RNF220: variants seen among roughly 807,000 people sequenced by gnomAD.
RNF220 encodes ring finger protein 220, also known as E3 ubiquitin-protein ligase RNF220.
In RNF220, 7 loss-of-function variants were observed where a neutral mutation model predicts 67.1. The ratio of observed to expected loss-of-function variants is 0.10; its 90% CI spans 0.06 to 0.20. The LOEUF is 0.20. RNF220 is among the 10% of genes least tolerant of loss of function. The pLI, the probability that RNF220 is intolerant of heterozygous loss-of-function variation, is 1.00. For synonymous variants in RNF220, 270 were observed against 283.2 expected, an observed-to-expected ratio of 0.95 and a Z score of 0.47; for missense variants, 565 against 740.3, an observed-to-expected ratio of 0.76 and a Z score of 2.75.
chr1:44,548,998 G>A (rs1164349413), intron 2 of RNF220, among the ~76,000 whole-genome samples: 3 of 152,268 alleles, frequency 2.0e-5, no homozygotes, highest in Non-Finnish European at 4.4e-5. Context: ...ACCAGCCTGG[G>A]CAATGTGGTT....
intron 2 of RNF220, among the ~76,000 whole-genome samples, chr1:44,461,088 G>T (rs964127451): frequency 2.0e-5 from 3 of 152,172 alleles, no homozygotes; most frequent in Non-Finnish European, 4.4e-5. Flanking sequence ...CGGGGGCAGG[G>T]ACGGTATTCA....
intron 2 of RNF220, among the ~76,000 whole-genome samples, chr1:44,474,480 G>A (rs1655115997): frequency 6.6e-6 from 1 of 151,352 alleles, no homozygotes; most frequent in Non-Finnish European, 1.5e-5. Flanking sequence ...AGGCCAAGGA[G>A]GGAGAATCGC....
chr1:44,579,982 T>C (rs1665114143), intron 2 of RNF220, among the ~76,000 whole-genome samples: 1 of 124,736 alleles, frequency 8.0e-6, no homozygotes, highest in East Asian at 2.6e-4. Context: ...GTGAGCCATG[T>C]CATGCCACTG....
intron 2 of RNF220, among the ~76,000 whole-genome samples, chr1:44,567,945 G>C (rs768731931): frequency 6.6e-6 from 1 of 152,010 alleles, no homozygotes; most frequent in African/African-American, 2.4e-5. Flanking sequence ...TGACCCTCAG[G>C]CTCCTCAGAC....
chr1:44,645,515 T>G lies in RNF220; in HGVS notation c.1445+27T>G. On this transcript the variant is annotated intron_variant, in intron 12 of 14. Transcript: ENST00000361799. The surrounding 1 kb of genome is among the most constrained non-coding windows in gnomAD (Gnocchi z 5.0). The stretch of plus-strand genomic sequence containing the variant: ...TAAGTGTTTGGCCAGGAGAGAGCCC[T>G]GGGACCACAGTTCAGTGGGAGGAGG... 6.2e-7 allele frequency: 1 copy of G among 1,609,446 alleles called. No individual in the cohort carries two copies. Among genetic ancestry groups the G allele is most frequent in the Non-Finnish European group, 8.5e-7 (1 of 1,177,070 alleles).
chr1:44,479,067 G>A (rs1027673652), intron 2 of RNF220, among the ~76,000 whole-genome samples: 27 of 151,146 alleles, frequency 1.8e-4, no homozygotes, highest in East Asian at 1.2e-3. Flanking sequence ...GTTTCTTTCC[G>A]TTGGAGCAGG....
At chr1:44,584,392 A>C (rs1665543642) in intron 2 of RNF220, among the ~76,000 whole-genome samples, 1 of 152,326 alleles carries the variant, frequency 6.6e-6, no homozygotes, top group South Asian at 2.1e-4. Flanking sequence ...TTCCAAAGCA[A>C]GTCGTAAATT....
chr1:44,464,973 C>G (rs989748357), intron 2 of RNF220, among the ~76,000 whole-genome samples: 1 of 152,188 alleles, frequency 6.6e-6, no homozygotes, highest in South Asian at 2.1e-4. Flanking sequence ...CTGGCTCCTT[C>G]ATTATACTGA....
At chr1:44,533,581 G>A (rs74070508) in intron 2 of RNF220, among the ~76,000 whole-genome samples, 1,578 of 152,188 alleles carry the variant, frequency 0.01, 27 homozygotes, top group African/African-American at 0.036. Flanking sequence ...ACTTGCTTTC[G>A]GCCAGTACTT....
At position 44,498,595 on chromosome 1, in the gene RNF220, G is replaced by C. The variant is rs144044573; in HGVS notation, c.625+85873G>C. On this transcript the variant is annotated intron_variant, in intron 2 of 14. Transcript: ENST00000361799. ...TCATTTTCCTGGTGATCCTAATGTTGTGCAGCCGTGGTTGAGACCTGCTGC... is the reference window on the plus strand; with the variant it reads ...TCATTTTCCTGGTGATCCTAATGTTCTGCAGCCGTGGTTGAGACCTGCTGC... Among the ~76,000 whole-genome samples the C allele has an allele frequency of 2.2e-3, 333 of 152,108 alleles. 1 individual carries two copies. Among genetic ancestry groups the C allele is most frequent in the Middle Eastern group, 6.8e-3 (2 of 294 alleles).
intron 3 of RNF220, 100 bp downstream of exon 3, chr1:44,614,397 C>T: frequency 5.1e-6 from 7 of 1,362,652 alleles, no homozygotes; most frequent in Admixed American, 2.2e-5. Context: ...CCCAGCCCCT[C>T]GGGAAAAGAC....
chr1:44,548,192 T>G lies in RNF220; in HGVS notation c.626-65973T>G, dbSNP rs1183588379. 2.0e-5 allele frequency among the ~76,000 whole-genome samples: 3 copies of G among 152,162 alleles called. No individual in the cohort carries two copies. The East Asian group carries it at 5.8e-4, about 29-fold the overall frequency. On this transcript the variant is annotated intron_variant, in intron 2 of 14. Coordinates refer to ENST00000361799, the MANE Select transcript of RNF220 (RefSeq NM_018150.4). ...CTCTAGCCCCTGCTACTGACTTAGTTCAGGTCCTCCCTGTAGCTCACTTAT... is the reference window on the plus strand; with the variant it reads ...CTCTAGCCCCTGCTACTGACTTAGTGCAGGTCCTCCCTGTAGCTCACTTAT...
At chr1:44,636,865 T>C (rs1644345529) in intron 8 of RNF220, among the ~76,000 whole-genome samples, 1 of 152,212 alleles carries the variant, frequency 6.6e-6, no homozygotes. Flanking sequence ...AGAGCAAGGC[T>C]TGACACCCCC....
intron 2 of RNF220, among the ~76,000 whole-genome samples, chr1:44,609,670 C>T (rs1238965545): frequency 6.6e-6 from 1 of 152,194 alleles, no homozygotes; most frequent in Non-Finnish European, 1.5e-5. Flanking sequence ...GTACCTGAGG[C>T]CTTGTTTCGA....
At chr1:44,451,769 G>A (rs1652707633) in intron 2 of RNF220, among the ~76,000 whole-genome samples, 1 of 151,958 alleles carries the variant, frequency 6.6e-6, no homozygotes, top group Non-Finnish European at 1.5e-5. Context: ...TACAGGCATG[G>A]GCCACCACGC....
intron 2 of RNF220, among the ~76,000 whole-genome samples, chr1:44,427,273 T>C (rs1420370368): frequency 1.3e-5 from 2 of 152,228 alleles, no homozygotes; most frequent in Non-Finnish European, 2.9e-5. Flanking sequence ...GGGAGACCTA[T>C]GGGTCAGATT....
At chr1:44,583,788 G>C (rs1037173695) in intron 2 of RNF220, among the ~76,000 whole-genome samples, 1 of 152,198 alleles carries the variant, frequency 6.6e-6, no homozygotes, top group South Asian at 2.1e-4. Context: ...TAAGGTATGT[G>C]CCTCTCATTC....
chr1:44,593,488 G>T (rs781715585), intron 2 of RNF220, among the ~76,000 whole-genome samples: 13 of 152,184 alleles, frequency 8.5e-5, no homozygotes, highest in Non-Finnish European at 1.6e-4. Flanking sequence ...ATTTTGGGAG[G>T]CCAAGGCAAG....
rs1648631683 is a variant in RNF220 at position 44,417,258 on chromosome 1, C to T, written c.625+4536C>T. ...CCCTCAGCTGCTCCCGGGTTCTCCC[C>T]TACTCCCCGGGGGCAAGAACTCCTG... is the stretch of plus-strand genomic sequence containing the variant. On this transcript the variant is annotated intron_variant, in intron 2 of 14. Coordinates refer to ENST00000361799, the MANE Select transcript of RNF220 (RefSeq NM_018150.4). The surrounding 1 kb of genome is among the most constrained non-coding windows in gnomAD (Gnocchi z 4.0). Among the ~76,000 whole-genome samples the T allele has an allele frequency of 6.6e-6, 1 of 152,224 alleles. No homozygotes were observed. The highest frequency in any genetic ancestry group is 6.5e-5 in the Admixed American group (1 of 15,282).
Sources: allele counts gnomAD v4.1 joint callset (sites outside exome capture counted in the v4.1 genomes callset), GRCh38; gene constraint gnomAD v4.1.1; non-coding constraint Gnocchi (gnomAD v3.1); transcripts MANE v1.5; gene names NCBI Gene and HGNC (gene_info 2026-07-23, HGNC 2026-07-21).